Variants in MYT1 observed in about 807,000 individuals in gnomAD.
MYT1 encodes myelin transcription factor 1.
In MYT1, 23 loss-of-function variants were observed where a neutral mutation model predicts 123.0. The ratio of observed to expected loss-of-function variants is 0.19; its 90% CI spans 0.13 to 0.26. The LOEUF (loss-of-function observed/expected upper bound fraction) is 0.26, where lower values mean the gene tolerates loss of function less well. Ranked by LOEUF, MYT1 falls within the 10% of genes least tolerant of loss-of-function variation. The pLI is 1.00. For synonymous variants in MYT1, 518 were observed against 575.3 expected (o/e 0.90, Z 1.43); for missense variants, 1,125 against 1,472.5 (o/e 0.76, Z 3.86).
intron 1 of MYT1, among the ~76,000 whole-genome samples, chr20:64,172,543 G>A (rs1328041341): frequency 6.6e-6 from 1 of 152,110 alleles, no homozygotes; most frequent in Non-Finnish European, 1.5e-5. Flanking sequence ...GAAGGAGATG[G>A]CCATTTCCTT....
Position 64,207,639 on chromosome 20 carries a change from G to A in MYT1, c.443G>A (p.Ser148Asn). The change falls in exon 7 of 23, where the codon AGC (serine) becomes AAC (asparagine). Residue 148 changes from serine (S) to asparagine (N), a missense_variant. By Grantham distance (46) the Ser-to-Asn change is conservative. Around this residue, in one of 4 missense-constraint regions of MYT1, gnomAD observed 406 missense variants for 432.2 expected, o/e 0.94. Transcript: ENST00000328439. ...CATTTTGGATCCAACCCCATCGGCA[G>A]CGCCACTGCCTCCTCCAAGGGCAGC... The part of the protein sequence containing the change: ...KSHFGSNPIG[S>N]ATASSKGSYS... 1.9e-6 allele frequency: 3 copies of A among 1,613,862 alleles called. No individual in the cohort carries two copies. The highest frequency in any genetic ancestry group is 2.5e-6 in the Non-Finnish European group (3 of 1,180,008).
Position 64,232,972 on chromosome 20 carries a change from C to T in MYT1, c.2897+587C>T, listed in dbSNP as rs1430986042. On this transcript the variant is annotated intron_variant, in intron 19 of 22. Transcript: ENST00000328439. This position sits in a 1 kb window ranked among gnomAD's most constrained non-coding sequence, Gnocchi z 6.9. ...CAACACCTGCTCCAGAGCCGAAGGA[C>T]CTTGCTTCACCAGCCCCACTTCCTG... Among the ~76,000 whole-genome samples the T allele has an allele frequency of 6.6e-6, 1 of 151,846 alleles. No individual in the cohort carries two copies. The highest frequency in any genetic ancestry group is 1.5e-5 in the Non-Finnish European group (1 of 67,924).
rs561492344 is a variant in MYT1, at chr20:64,196,479, G to A, written c.1-2383G>A. On this transcript the variant is annotated intron_variant, in intron 2 of 22. Transcript: ENST00000328439. The surrounding 1 kb of genome is among the most constrained non-coding windows in gnomAD (Gnocchi z 4.3). ...GTGCTGGTTTTGTCCAGATGCTTTC[G>A]CGTCAGCCGGCACTGCTGATTTCAA... Among the ~76,000 whole-genome samples, 52 of 152,362 alleles carry A rather than the reference G, an allele frequency of 3.4e-4. No individual in the cohort carries two copies. The highest frequency in any genetic ancestry group is 9.4e-4 in the African/African-American group (39 of 41,578).
chr20:64,200,221 C>T (rs532711755), intron 4 of MYT1, among the ~76,000 whole-genome samples: 5 of 152,332 alleles, frequency 3.3e-5, no homozygotes, highest in African/African-American at 4.8e-5. Flanking sequence ...TCCCCCAAAC[C>T]GAAAACAAGC....
Position 64,239,863 on chromosome 20 carries a change from C to T in MYT1, c.3197C>T (p.Ala1066Val), listed in dbSNP as rs761483254. 28 of 1,613,584 alleles carry T rather than the reference C, an allele frequency of 1.7e-5. No homozygotes were observed. The highest frequency in any genetic ancestry group is 8.8e-5 in the South Asian group (8 of 91,088). ...CTGGAGCTGTCCGGCCTGAGCCAGG[C>T]CCTCATCCAAAGTCTCGCCAATATC... ...LFLELSGLSQALIQSLANIRL... is the reference protein window; with the variant it reads ...LFLELSGLSQVLIQSLANIRL... The change falls in exon 22 of 23, where the codon GCC (alanine) becomes GTC (valine). Residue 1066 changes from alanine (A) to valine (V), a missense_variant. Around this residue, in one of 4 missense-constraint regions of MYT1, gnomAD observed 243 missense variants for 323.1 expected, o/e 0.75. Transcript: ENST00000328439.
chr20:64,185,715 C>T lies in MYT1; in HGVS notation c.-98-4348C>T, dbSNP rs1982780527. On this transcript the variant is annotated intron_variant, in intron 1 of 22. Transcript: ENST00000328439. The surrounding 1 kb of genome is among the most constrained non-coding windows in gnomAD (Gnocchi z 4.5). ...CCAGCATGAAAACAGCCACGGTCGC[C>T]CGCAGGGGGTCCCCCATGGGGTTGT... 6.6e-6 allele frequency among the ~76,000 whole-genome samples: 1 copy of T among 152,232 alleles called. No individual in the cohort carries two copies. The highest frequency in any genetic ancestry group is 6.5e-5 in the Admixed American group (1 of 15,292).
chr20:64,206,497 G>C (rs1373689694), intron 6 of MYT1, among the ~76,000 whole-genome samples: 4 of 152,136 alleles, frequency 2.6e-5, no homozygotes, highest in Non-Finnish European at 5.9e-5. Flanking sequence ...AGCCCTGGCA[G>C]ATCTGTAGAG....
intron 18 of MYT1, among the ~76,000 whole-genome samples, chr20:64,230,385 C>CAT (rs1984283702): frequency 6.6e-6 from 1 of 152,056 alleles, no homozygotes; most frequent in African/African-American, 2.4e-5. Context: ...TGGTGGCGGG[C>CAT]GCCTGTAATC....
intron 1 of MYT1, among the ~76,000 whole-genome samples, chr20:64,172,229 C>T (rs1487844364): frequency 6.6e-6 from 1 of 152,186 alleles, no homozygotes; most frequent in Non-Finnish European, 1.5e-5. Flanking sequence ...TGCTCTGAGC[C>T]CTGGAGCTAG....
rs796133057 is a variant in MYT1 at position 64,203,581 on chromosome 20, C to T, written c.87-1454C>T. On this transcript the variant is annotated intron_variant, in intron 4 of 22. Transcript: ENST00000328439. The surrounding 1 kb of genome is among the most constrained non-coding windows in gnomAD (Gnocchi z 5.1). ...CTCCTCCCTCCCTCCTTCCCTCCCT[C>T]TCTGTCTTCTTGTTAACACACTGAA... Among the ~76,000 whole-genome samples the T allele has an allele frequency of 3.1e-4, 47 of 152,230 alleles. 1 individual carries two copies. Among genetic ancestry groups the T allele is most frequent in the African/African-American group, 1.0e-3 (43 of 41,540 alleles).
intron 3 of MYT1, among the ~76,000 whole-genome samples, chr20:64,199,211 A>C (rs1983216029): frequency 6.6e-6 from 1 of 152,156 alleles, no homozygotes; most frequent in Non-Finnish European, 1.5e-5. Flanking sequence ...TGGAAATGAG[A>C]GGCCGCCAGC....
chr20:64,169,460 C>T (rs780195304), intron 1 of MYT1, among the ~76,000 whole-genome samples: 1 of 152,220 alleles, frequency 6.6e-6, no homozygotes, highest in African/African-American at 2.4e-5. Flanking sequence ...GCCAAAGTGG[C>T]TCCTAACTGA....
chr20:64,222,356 G>A (rs927615616), intron 14 of MYT1, among the ~76,000 whole-genome samples: 1 of 152,248 alleles, frequency 6.6e-6, no homozygotes, highest in African/African-American at 2.4e-5. Context: ...AGAGAGCTCT[G>A]CAGGAAGCCC....
In MYT1 at chr20:64,213,642, C is replaced by T. The variant is rs1245307607; in HGVS notation, c.1626C>T (p.Ile542=). 6.2e-7 allele frequency: 1 copy of T among 1,613,504 alleles called. No individual in the cohort carries two copies. Among genetic ancestry groups the T allele is most frequent in the South Asian group, 1.1e-5 (1 of 91,052 alleles). Residue 542 remains isoleucine (I), a synonymous_variant, in exon 10 of 23, where the codon ATC becomes ATT. Coordinates refer to ENST00000328439, the MANE Select transcript of MYT1 (RefSeq NM_004535.3). This position sits in a 1 kb window ranked among gnomAD's most constrained non-coding sequence, Gnocchi z 5.6. The stretch of plus-strand genomic sequence containing the variant: ...AGAGTAGCTCCAATTCCGATCGGAT[C>T]CTCAGGTGAGTGAGATGAGCCACAG... The part of the protein sequence containing the change: ...PSKSSSNSDR[I]LRPMCFVKQL...
intron 1 of MYT1, among the ~76,000 whole-genome samples, chr20:64,170,884 T>TATATATAGAG (rs1569303821): frequency 4.5e-4 from 9 of 20,006 alleles, no homozygotes; most frequent in Non-Finnish European, 6.4e-4. Flanking sequence ...TATATATATA[T>TATATATAGAG]AGAGAGAGAG....
In MYT1 at chr20:64,207,991, G is replaced by A. The variant is rs1983541314; in HGVS notation, c.795G>A (p.Glu265=). Residue 265 remains glutamate, a synonymous_variant, in exon 7 of 23, where the codon GAG becomes GAA. Coordinates refer to ENST00000328439, the MANE Select transcript of MYT1 (RefSeq NM_004535.3). ...LSHEEEDEEE[E]EEEEEEEEDE... ...ACGAAGAGGAGGACGAGGAGGAGGA[G>A]GAGGAGGAAGAGGAGGAGGAGGAGG... is the stretch of plus-strand genomic sequence containing the variant. 2 of 1,598,130 alleles carry A rather than the reference G, an allele frequency of 1.3e-6. No individual in the cohort carries two copies. The highest frequency in any genetic ancestry group is 1.7e-6 in the Non-Finnish European group (2 of 1,173,432).
chr20:64,198,156 G>A (rs936582398), intron 2 of MYT1, among the ~76,000 whole-genome samples: 11 of 151,698 alleles, frequency 7.3e-5, no homozygotes, highest in South Asian at 4.2e-4. Context: ...GCGTGGTAGC[G>A]GGCGCCTGTA....
At chr20:64,217,931 T>A (rs1382946809) in intron 11 of MYT1, among the ~76,000 whole-genome samples, 1 of 152,272 alleles carries the variant, frequency 6.6e-6, no homozygotes, top group African/African-American at 2.4e-5. Context: ...ATTTGTGGAA[T>A]AAGCCCATTA....
At chr20:64,227,836 A>T in intron 17 of MYT1, 52 bp from the exon 18 acceptor site, 1 of 1,390,854 alleles carries the variant, frequency 7.2e-7, no homozygotes, top group Non-Finnish European at 9.8e-7. Flanking sequence ...AACGGGTGTG[A>T]GAAGCTGCGG....
Sources: gnomAD v4.1 joint callset for allele counts (sites outside exome capture counted in the v4.1 genomes callset) on GRCh38, gnomAD v4.1.1 for gene constraint, gnomAD v4.1.1 regional missense constraint, Gnocchi (gnomAD v3.1) non-coding constraint, MANE v1.5 for transcripts, NCBI Gene and HGNC (gene_info 2026-07-23, HGNC 2026-07-21) for gene names.